Variants in TRIM67 observed in about 807,000 individuals in gnomAD.
TRIM67 encodes tripartite motif containing 67.
A neutral mutation model predicts 71.0 loss-of-function variants in TRIM67; 39 were observed. The observed-to-expected ratio is 0.55, with a 90% CI of 0.43 to 0.72. TRIM67 has a LOEUF of 0.72. Ranked by LOEUF, TRIM67 falls within the 30% of genes least tolerant of loss-of-function variation. The pLI, the probability that TRIM67 is intolerant of heterozygous loss-of-function variation, is 0.00. For synonymous variants in TRIM67, 481 were observed against 473.9 expected, an observed-to-expected ratio of 1.01 and a Z score of -0.19; for missense variants, 973 against 1,079.2, an observed-to-expected ratio of 0.90 and a Z score of 1.38.
chr1:231,182,414 A>G (rs957133405), intron 1 of TRIM67, among the ~76,000 whole-genome samples: 1 of 152,156 alleles, frequency 6.6e-6, no homozygotes, highest in Admixed American at 6.5e-5. Flanking sequence ...AATTTAAAAA[A>G]AAAATAGTAA....
chr1:231,188,587 G>A (rs1683149272), intron 1 of TRIM67, among the ~76,000 whole-genome samples: 1 of 152,206 alleles, frequency 6.6e-6, no homozygotes, highest in African/African-American at 2.4e-5. Flanking sequence ...GCAATGGAGT[G>A]CAAAGAGCAT....
Position 231,217,841 on chromosome 1 carries a change from G to T in TRIM67, c.*2401G>T, listed in dbSNP as rs1457491744. 7.8e-7 allele frequency: 1 copy of T among 1,289,608 alleles called. No individual in the cohort carries two copies. Among genetic ancestry groups the T allele is most frequent in the Non-Finnish European group, 1.0e-6 (1 of 988,828 alleles). The allele number at this position is 1,289,608 out of a possible 1,614,324, so 79.9% of individuals were successfully genotyped here. A position where few individuals can be genotyped will look rare whatever the true frequency, so the allele number is the denominator to read the frequency against. ...CCAGGTCAGGAGAGAAGTGGAAAGT[G>T]CAGGAGGGTAATGCCCTCAAATCCG... On this transcript the variant is annotated 3_prime_UTR_variant, in exon 10 of 10. Coordinates refer to ENST00000366653, the MANE Select transcript of TRIM67 (RefSeq NM_001004342.5).
intron 1 of TRIM67, among the ~76,000 whole-genome samples, chr1:231,169,193 A>G (rs1682557151): frequency 6.6e-6 from 1 of 151,974 alleles, no homozygotes; most frequent in African/African-American, 2.4e-5. Flanking sequence ...AGCTGGGATT[A>G]CAGGCATGTG....
Position 231,197,446 on chromosome 1 carries a change from A to T in TRIM67, c.1120A>T (p.Asn374Tyr), listed in dbSNP as rs1391809554. The T allele has an allele frequency of 6.2e-7, 1 of 1,614,022 alleles. No homozygotes were observed. The highest frequency in any genetic ancestry group is 1.3e-5 in the African/African-American group (1 of 75,066). The change falls in exon 2 of 10, where the codon AAC becomes TAC. Residue 374 changes from asparagine (N) to tyrosine (Y), a missense_variant. Coordinates refer to ENST00000366653, the MANE Select transcript of TRIM67 (RefSeq NM_001004342.5). ...AAAGGAGTTTCTGGTTCAGCTAAAGAACATATTGCAGCAGATCCAGGTGAG... is the reference window on the plus strand; with the variant it reads ...AAAGGAGTTTCTGGTTCAGCTAAAGTACATATTGCAGCAGATCCAGGTGAG... ...EAKEFLVQLK[N>Y]ILQQIQENGL...
chr1:231,203,580 T>C (rs1176963381), intron 5 of TRIM67, among the ~76,000 whole-genome samples: 1 of 152,168 alleles, frequency 6.6e-6, no homozygotes, highest in Admixed American at 6.5e-5. Context: ...CATCCTTCCT[T>C]AGGGCCATAG....
rs1683717272 is a variant in TRIM67 at position 231,206,878 on chromosome 1, T to C, written c.1819+88T>C. On this transcript the variant is annotated intron_variant, in intron 7 of 9. Transcript: ENST00000366653. ...CAGCCACTTGTGGCAGCTATGATGATGGGGTAGGGGTGGGGGGTGGTGCTG... is the reference window on the plus strand; with the variant it reads ...CAGCCACTTGTGGCAGCTATGATGACGGGGTAGGGGTGGGGGGTGGTGCTG... The C allele has an allele frequency of 4.4e-6, 6 of 1,378,104 alleles. No homozygotes were observed. In the African/African-American group the frequency reaches 5.9e-5, roughly 13 times the overall value. The allele number at this position is 1,378,104 out of a possible 1,614,324, so 85.4% of individuals were successfully genotyped here.
chr1:231,214,435 C>T (rs1369091130), intron 9 of TRIM67, among the ~76,000 whole-genome samples: 2 of 152,028 alleles, frequency 1.3e-5, no homozygotes, highest in South Asian at 2.1e-4. Context: ...ACTGATTGAT[C>T]GATTCGATCC....
intron 9 of TRIM67, among the ~76,000 whole-genome samples, chr1:231,215,121 G>A (rs1683979187): frequency 6.6e-6 from 1 of 152,240 alleles, no homozygotes; most frequent in African/African-American, 2.4e-5. Context: ...TTGCCCAGCT[G>A]TGGCAGCTCT....
At chr1:231,188,702 T>C (rs1213182835) in intron 1 of TRIM67, among the ~76,000 whole-genome samples, 5 of 152,208 alleles carry the variant, frequency 3.3e-5, no homozygotes, top group Non-Finnish European at 7.3e-5. Flanking sequence ...TGCTCCCTTC[T>C]GTAAAATGGT....
chr1:231,192,648 G>A (rs1247935668), intron 1 of TRIM67, among the ~76,000 whole-genome samples: 6 of 152,236 alleles, frequency 3.9e-5, no homozygotes. Context: ...ACCAGTGTGT[G>A]CTTATGAGGA....
At chr1:231,203,587 A>G (rs1333603883) in intron 5 of TRIM67, among the ~76,000 whole-genome samples, 1 of 152,210 alleles carries the variant, frequency 6.6e-6, no homozygotes, top group Non-Finnish European at 1.5e-5. Context: ...CCTTAGGGCC[A>G]TAGGCTCAGA....
intron 1 of TRIM67, among the ~76,000 whole-genome samples, chr1:231,175,589 A>G (rs1682725210): frequency 6.6e-6 from 1 of 152,236 alleles, no homozygotes; most frequent in Non-Finnish European, 1.5e-5. Context: ...GCTGCATTAC[A>G]GGAGAGGAGC....
chr1:231,200,957 G>A (rs983748468), intron 4 of TRIM67, among the ~76,000 whole-genome samples: 3 of 152,132 alleles, frequency 2.0e-5, no homozygotes, highest in Non-Finnish European at 2.9e-5. Flanking sequence ...CAAAACTTTA[G>A]GGGTGTGGAA....
In TRIM67 at chr1:231,175,721, C is replaced by A. The variant is rs183546686; in HGVS notation, c.1044+11708C>A. 3.1e-3 allele frequency among the ~76,000 whole-genome samples: 473 copies of A among 152,316 alleles called. 1 individual carries two copies. Among genetic ancestry groups the A allele is most frequent in the African/African-American group, 0.011 (450 of 41,574 alleles). On this transcript the variant is annotated intron_variant, in intron 1 of 9. Transcript: ENST00000366653. ...TCATCCTTAGAAACATAGCCCAGAA[C>A]AAAGAGCAGTCAGTGCCTCACTTAC... is the stretch of plus-strand genomic sequence containing the variant.
chr1:231,217,480 C>T lies in TRIM67; in HGVS notation c.*2040C>T. The T allele has an allele frequency of 3.0e-6, 3 of 1,000,242 alleles. No homozygotes were observed. In the South Asian group the frequency reaches 1.3e-4, roughly 44 times the overall value. 62.0% of individuals were successfully genotyped at this position (1,000,242 alleles called of 1,614,324 possible). A position where few individuals can be genotyped will look rare whatever the true frequency, so the allele number is the denominator to read the frequency against. Reference sequence around the variant, plus strand: ...ATCCTTAGCCATAGCTCTGGGTGGCCTTTGCTTGGAGCATGGAGACGATCC... The same window carrying T: ...ATCCTTAGCCATAGCTCTGGGTGGCTTTTGCTTGGAGCATGGAGACGATCC... On this transcript the variant is annotated 3_prime_UTR_variant, in exon 10 of 10. Transcript: ENST00000366653.
chr1:231,199,664 A>G (rs191211398), intron 3 of TRIM67, among the ~76,000 whole-genome samples: 7 of 152,314 alleles, frequency 4.6e-5, no homozygotes, highest in Non-Finnish European at 8.8e-5. Context: ...TGAGTTGATG[A>G]CGGGCTGTCA....
At chr1:231,207,367 T>A (rs1247499034) in intron 7 of TRIM67, among the ~76,000 whole-genome samples, 2 of 152,220 alleles carry the variant, frequency 1.3e-5, no homozygotes, top group Non-Finnish European at 2.9e-5. Context: ...CAGTGATTTA[T>A]ACACCTACCT....
chr1:231,164,825 C>T lies in TRIM67; in HGVS notation c.1044+812C>T, dbSNP rs370256569. ...GGTGAGCACAGATGAGAGGAAGAGA[C>T]TAAGAGACTAACCATTCCTATATAG... On this transcript the variant is annotated intron_variant, in intron 1 of 9. Coordinates refer to ENST00000366653, the MANE Select transcript of TRIM67 (RefSeq NM_001004342.5). 3.3e-5 allele frequency among the ~76,000 whole-genome samples: 5 copies of T among 152,282 alleles called. No homozygotes were observed. In the East Asian group the frequency reaches 9.7e-4, roughly 29 times the overall value.
At chr1:231,173,341 G>A (rs1490593598) in intron 1 of TRIM67, among the ~76,000 whole-genome samples, 1 of 152,162 alleles carries the variant, frequency 6.6e-6, no homozygotes, top group Non-Finnish European at 1.5e-5. Flanking sequence ...GAGGCCAGGG[G>A]TTCAAAACCA....
Sources: gnomAD v4.1 joint callset for allele counts (sites outside exome capture counted in the v4.1 genomes callset) on GRCh38, gnomAD v4.1.1 for gene constraint, MANE v1.5 for transcripts, NCBI Gene and HGNC (gene_info 2026-07-23, HGNC 2026-07-21) for gene names.